Variants in CNTNAP5 observed in about 807,000 individuals in gnomAD.
CNTNAP5 encodes the protein contactin associated protein family member 5, also known as contactin-associated protein-like 5.
CNTNAP5 carries 72 observed loss-of-function variants against 150.2 expected under a neutral mutation model. That is an observed-to-expected ratio of 0.48 (90% confidence interval 0.40 to 0.58). The LOEUF (loss-of-function observed/expected upper bound fraction) is 0.58, where lower values mean the gene tolerates loss of function less well. Ranked by LOEUF, CNTNAP5 falls within the 20% of genes least tolerant of loss-of-function variation. The pLI, the probability that CNTNAP5 is intolerant of heterozygous loss-of-function variation, is 0.00. For synonymous variants in CNTNAP5, 672 were observed against 619.8 expected (o/e 1.08, Z -1.25); for missense variants, 1,636 against 1,626.2 (o/e 1.01, Z -0.10).
intron 3 of CNTNAP5, among the ~76,000 whole-genome samples, chr2:124,383,019 G>A (rs1690837524): frequency 6.6e-6 from 1 of 152,038 alleles, no homozygotes; most frequent in East Asian, 1.9e-4. Context: ...AACCCGCTGC[G>A]AAGTTGCTCC....
At chr2:124,304,111 C>T (rs1688624776) in intron 3 of CNTNAP5, among the ~76,000 whole-genome samples, 1 of 152,110 alleles carries the variant, frequency 6.6e-6, no homozygotes, top group Non-Finnish European at 1.5e-5. Flanking sequence ...AGATATGATG[C>T]TCAAGACAAA....
At chr2:124,771,249 C>A (rs982716126) in intron 16 of CNTNAP5, among the ~76,000 whole-genome samples, 2 of 152,020 alleles carry the variant, frequency 1.3e-5, no homozygotes, top group Admixed American at 6.6e-5. Context: ...GGAGAGGGAG[C>A]AATTGTGAAG....
chr2:124,872,185 G>T (rs562642497), intron 21 of CNTNAP5, among the ~76,000 whole-genome samples: 18 of 151,978 alleles, frequency 1.2e-4, no homozygotes, highest in Admixed American at 9.2e-4. Context: ...TTTGAAGCAT[G>T]GCTATTAATA....
chr2:124,524,513 T>A, intron 9 of CNTNAP5, 61 bp downstream of exon 9: 2 of 1,476,168 alleles, frequency 1.4e-6, no homozygotes, highest in Non-Finnish European at 1.8e-6. Context: ...AGTGGGCAAT[T>A]ATTTCACTAT....
chr2:124,264,725 G>GT (rs1336841098), intron 3 of CNTNAP5, among the ~76,000 whole-genome samples: 4 of 152,202 alleles, frequency 2.6e-5, no homozygotes, highest in Admixed American at 6.6e-5. Flanking sequence ...ATCTGCAGTG[G>GT]TTTTGTGGCT....
intron 3 of CNTNAP5, among the ~76,000 whole-genome samples, chr2:124,300,460 T>G (rs1264311848): frequency 5.3e-5 from 8 of 152,006 alleles, no homozygotes; most frequent in Non-Finnish European, 7.4e-5. Flanking sequence ...ATGAGTCACG[T>G]GAAGATAGGA....
chr2:124,205,435 TG>T (rs201475802), intron 1 of CNTNAP5, among the ~76,000 whole-genome samples: 55 of 150,120 alleles, frequency 3.7e-4, no homozygotes, highest in Admixed American at 4.0e-4. Flanking sequence ...TTTTTTTTTT[TG>T]GAAATGGAGT....
chr2:124,284,928 G>A (rs1380052806), intron 3 of CNTNAP5, among the ~76,000 whole-genome samples: 2 of 152,008 alleles, frequency 1.3e-5, no homozygotes, highest in Non-Finnish European at 2.9e-5. Flanking sequence ...GTTCACCCAG[G>A]GTATTCTGAG....
At chr2:124,515,240 G>A (rs915875574) in intron 8 of CNTNAP5, among the ~76,000 whole-genome samples, 2 of 152,210 alleles carry the variant, frequency 1.3e-5, no homozygotes, top group Non-Finnish European at 2.9e-5. Flanking sequence ...ATCCATCAAT[G>A]AACCTTGGAG....
chr2:124,773,092 C>A (rs1014584142), intron 17 of CNTNAP5, 75 bp downstream of exon 17: 9 of 1,124,636 alleles, frequency 8.0e-6, no homozygotes, highest in Admixed American at 5.4e-5. Context: ...AGAAAAAATT[C>A]TCTTTTATCT....
chr2:124,406,633 C>A (rs1046953275), intron 3 of CNTNAP5, among the ~76,000 whole-genome samples: 1 of 152,112 alleles, frequency 6.6e-6, no homozygotes, highest in Non-Finnish European at 1.5e-5. Context: ...ACAGAATGTG[C>A]AAAGATCAAG....
At chr2:124,369,935 G>A (rs1690478602) in intron 3 of CNTNAP5, among the ~76,000 whole-genome samples, 1 of 152,056 alleles carries the variant, frequency 6.6e-6, no homozygotes. Flanking sequence ...GTTTCACTCA[G>A]CATGCTTCCT....
At chr2:124,512,719 A>C (rs1694620579) in intron 8 of CNTNAP5, among the ~76,000 whole-genome samples, 1 of 152,168 alleles carries the variant, frequency 6.6e-6, no homozygotes, top group African/African-American at 2.4e-5. Context: ...GTATTCCAAA[A>C]CAAACAAACA....
At chr2:124,207,570 G>T (rs1173007293) in intron 1 of CNTNAP5, among the ~76,000 whole-genome samples, 1 of 152,114 alleles carries the variant, frequency 6.6e-6, no homozygotes, top group Non-Finnish European at 1.5e-5. Context: ...TGGTTCACGG[G>T]CACTTACCAC....
At chr2:124,231,086 T>G (rs1558811481) in intron 2 of CNTNAP5, among the ~76,000 whole-genome samples, 1 of 152,190 alleles carries the variant, frequency 6.6e-6, no homozygotes, top group Non-Finnish European at 1.5e-5. Flanking sequence ...GAATCTTGGC[T>G]TCTACCCAGA....
In CNTNAP5 at chr2:124,062,580, G is replaced by T. The variant is rs181577259; in HGVS notation, c.82+36848G>T. 1.1e-3 allele frequency among the ~76,000 whole-genome samples: 172 copies of T among 152,188 alleles called. 2 individuals are homozygous for T. Among genetic ancestry groups the T allele is most frequent in the African/African-American group, 3.9e-3 (161 of 41,532 alleles). On this transcript the variant is annotated intron_variant, in intron 1 of 23. Coordinates refer to ENST00000682447, the MANE Select transcript of CNTNAP5 (RefSeq NM_001367498.1). ...ATTTTAATCTCCCTCCCCTACTCTA[G>T]TACCTATTACGGGCTCCAGAGCATA... is the stretch of plus-strand genomic sequence containing the variant.
At chr2:124,653,519 C>T (rs770998952) in intron 13 of CNTNAP5, among the ~76,000 whole-genome samples, 13 of 151,898 alleles carry the variant, frequency 8.6e-5, no homozygotes, top group African/African-American at 1.2e-4. Context: ...ACATTCATCA[C>T]GTACTCTTTA....
chr2:124,068,853 T>C (rs1400068547), intron 1 of CNTNAP5, among the ~76,000 whole-genome samples: 2 of 151,942 alleles, frequency 1.3e-5, no homozygotes, highest in Non-Finnish European at 2.9e-5. Flanking sequence ...AGATATACCG[T>C]AGGCCAGAAA....
chr2:124,737,449 T>C (rs1680408449), intron 13 of CNTNAP5, among the ~76,000 whole-genome samples: 1 of 151,980 alleles, frequency 6.6e-6, no homozygotes, highest in Admixed American at 6.6e-5. Context: ...GCAGCAAGCA[T>C]CAAAGAGCAT....
Sources: allele counts gnomAD v4.1 joint callset (sites outside exome capture counted in the v4.1 genomes callset), GRCh38; gene constraint gnomAD v4.1.1; transcripts MANE v1.5; gene names NCBI Gene and HGNC (gene_info 2026-07-23, HGNC 2026-07-21).